Variants in XPR1 observed in about 807,000 individuals in gnomAD.
The protein encoded by XPR1 is xenotropic and polytropic retrovirus receptor 1, also known as solute carrier family 53 member 1.
Under a neutral mutation model 87.5 loss-of-function variants are expected in XPR1, and 28 were observed. That is an observed-to-expected ratio of 0.32 (90% CI 0.24 to 0.44). The LOEUF (loss-of-function observed/expected upper bound fraction) is 0.44. Among genes scored for constraint, XPR1 ranks in the 20% least tolerant of loss-of-function variants. The pLI is 1.00. For missense variants in XPR1, 559 were observed against 862.3 expected (o/e 0.65, Z 4.41); for synonymous variants, 300 against 306.1 (o/e 0.98, Z 0.21).
chr1:180,770,576 G>A (rs189814684), intron 2 of XPR1, among the ~76,000 whole-genome samples: 69 of 152,188 alleles, frequency 4.5e-4, no homozygotes, highest in Non-Finnish European at 6.5e-4. Context: ...TGCAGCAGAT[G>A]GTTTTTAAAT....
At chr1:180,808,297 A>AG (rs1391412900) in intron 6 of XPR1, among the ~76,000 whole-genome samples, 18 of 152,034 alleles carry the variant, frequency 1.2e-4, no homozygotes, top group Admixed American at 1.2e-3. Flanking sequence ...CAAAAAAAAA[A>AG]AAAAATGAGC....
intron 1 of XPR1, among the ~76,000 whole-genome samples, chr1:180,636,354 TAAGATA>T (rs1654756924): frequency 1.3e-5 from 2 of 152,250 alleles, no homozygotes; most frequent in South Asian, 4.1e-4. Context: ...ATAGTGTGTT[TAAGATA>T]ACACTTGTAA....
chr1:180,864,408 T>C lies in XPR1; in HGVS notation c.1668+534T>C, dbSNP rs1652319071. ...ATCACACTGTATTATAATAATGTGC[T>C]TAGGTGTCCATATTCTTCACTTCCA... On this transcript the variant is annotated intron_variant, in intron 12 of 14. Transcript: ENST00000367590. Among the ~76,000 whole-genome samples the C allele has an allele frequency of 2.6e-5, 4 of 152,182 alleles. No individual in the cohort carries two copies. The South Asian group carries it at 8.3e-4, about 31-fold the overall frequency.
chr1:180,819,933 T>A (rs561723424), intron 7 of XPR1, among the ~76,000 whole-genome samples: 2 of 151,506 alleles, frequency 1.3e-5, no homozygotes, highest in South Asian at 4.2e-4. Context: ...GGCAGGAGAA[T>A]CACTTGGACC....
chr1:180,875,850 A>C (rs1050652308), intron 13 of XPR1, among the ~76,000 whole-genome samples: 1 of 152,170 alleles, frequency 6.6e-6, no homozygotes, highest in Non-Finnish European at 1.5e-5. Flanking sequence ...AAAAGGAAGT[A>C]CAAATTATGA....
At chr1:180,768,667 T>C (rs1046572700) in intron 2 of XPR1, among the ~76,000 whole-genome samples, 1 of 152,238 alleles carries the variant, frequency 6.6e-6, no homozygotes, top group African/African-American at 2.4e-5. Context: ...GAATTTCATT[T>C]ATGCTAAGAA....
At chr1:180,675,736 GT>G (rs1656348509) in intron 1 of XPR1, among the ~76,000 whole-genome samples, 2 of 152,134 alleles carry the variant, frequency 1.3e-5, no homozygotes, top group East Asian at 3.8e-4. Flanking sequence ...TTAATTTGTT[GT>G]TTTGTGACTT....
chr1:180,865,921 A>T (rs1652374938), intron 12 of XPR1, among the ~76,000 whole-genome samples: 1 of 152,202 alleles, frequency 6.6e-6, no homozygotes, highest in Admixed American at 6.5e-5. Flanking sequence ...TTTAATTTTA[A>T]AAAATACTGG....
intron 1 of XPR1, among the ~76,000 whole-genome samples, chr1:180,651,592 G>T (rs747446889): frequency 1.3e-5 from 2 of 152,092 alleles, no homozygotes; most frequent in African/African-American, 2.4e-5. Flanking sequence ...ATGGTACTTA[G>T]ATTTGATAAA....
intron 1 of XPR1, among the ~76,000 whole-genome samples, chr1:180,659,369 G>GTCCT (rs1261259218): frequency 1.4e-3 from 82 of 60,560 alleles, no homozygotes; most frequent in Non-Finnish European, 2.1e-3. Flanking sequence ...CCGTCCTTCC[G>GTCCT]TCCGTCCTTC....
intron 1 of XPR1, among the ~76,000 whole-genome samples, chr1:180,642,157 A>G (rs78260025): frequency 0.051 from 7,828 of 152,230 alleles, 393 homozygotes; most frequent in East Asian, 0.27. Context: ...TTGAGTGAGG[A>G]GATAGGACCG....
chr1:180,771,657 T>G (rs1648518676), intron 2 of XPR1, among the ~76,000 whole-genome samples: 1 of 152,224 alleles, frequency 6.6e-6, no homozygotes, highest in Non-Finnish European at 1.5e-5. Flanking sequence ...TGATGCGTAT[T>G]GTGCTTTGAT....
intron 14 of XPR1, among the ~76,000 whole-genome samples, chr1:180,881,250 A>G (rs1471909677): frequency 6.6e-6 from 1 of 151,666 alleles, no homozygotes; most frequent in Non-Finnish European, 1.5e-5. Context: ...TGCAAGCTGC[A>G]CCTCCTGGGT....
At chr1:180,708,894 G>GTTT (rs1264196151) in intron 2 of XPR1, among the ~76,000 whole-genome samples, 5 of 84,006 alleles carry the variant, frequency 6.0e-5, no homozygotes, top group Admixed American at 1.9e-4. Flanking sequence ...AGCATGTAAA[G>GTTT]TTTTTTTTTT....
chr1:180,681,205 G>T (rs1656566425), intron 1 of XPR1, among the ~76,000 whole-genome samples: 1 of 152,098 alleles, frequency 6.6e-6, no homozygotes, highest in Non-Finnish European at 1.5e-5. Flanking sequence ...CTAGAAGGAG[G>T]ATATTGAATG....
Position 180,704,814 on chromosome 1 carries a change from G to GTTTTTTTTTTTTTTTTT in XPR1, c.121+22412_121+22428dup, listed in dbSNP as rs567903048. Among the ~76,000 whole-genome samples, 13 of 51,960 alleles carry GTTTTTTTTTTTTTTTTT rather than the reference G, an allele frequency of 2.5e-4. 2 individuals are homozygous for GTTTTTTTTTTTTTTTTT. Among genetic ancestry groups the GTTTTTTTTTTTTTTTTT allele is most frequent in the Non-Finnish European group, 3.5e-4 (10 of 28,926 alleles). 34.1% of individuals were successfully genotyped at this position (51,960 alleles called of 152,430 possible). A position where few individuals can be genotyped will look rare whatever the true frequency, so the allele number is the denominator to read the frequency against. On this transcript the variant is annotated intron_variant, in intron 2 of 14. Coordinates refer to ENST00000367590, the MANE Select transcript of XPR1 (RefSeq NM_004736.4). The stretch of plus-strand genomic sequence containing the variant: ...GCCATTTTTCCAGGGACTGTTGGTT[G>GTTTTTTTTTTTTTTTTT]TTTTTTTTTTTTTTTTTTTTTTTTT...
chr1:180,778,845 A>G (rs1309836907), intron 2 of XPR1, among the ~76,000 whole-genome samples: 4 of 152,214 alleles, frequency 2.6e-5, no homozygotes, highest in Admixed American at 2.6e-4. Context: ...TTATCATTTA[A>G]TAAAACAGAA....
rs374314804 is a variant in XPR1, at chr1:180,632,288, G to A, written c.69+18G>A. 6.2e-7 allele frequency: 1 copy of A among 1,608,338 alleles called. No homozygotes were observed. Among genetic ancestry groups the A allele is most frequent in the South Asian group, 1.1e-5 (1 of 90,168 alleles). ...AGTATGAGGTACCGGCACGGCTGGG[G>A]TGTGGGAGGACTCGGAGGGGCCACC... On this transcript the variant is annotated intron_variant, in intron 1 of 14. Transcript: ENST00000367590.
At chr1:180,756,504 A>G (rs1037439827) in intron 2 of XPR1, among the ~76,000 whole-genome samples, 4 of 152,182 alleles carry the variant, frequency 2.6e-5, no homozygotes, top group Admixed American at 2.6e-4. Context: ...TTATTGCATT[A>G]TAAGAGTTCC....
Sources: allele counts gnomAD v4.1 joint callset (sites outside exome capture counted in the v4.1 genomes callset), GRCh38; gene constraint gnomAD v4.1.1; transcripts MANE v1.5; gene names NCBI Gene and HGNC (gene_info 2026-07-23, HGNC 2026-07-21).